The following BPIFB6 variants were observed in gnomAD, a reference collection of about 807,000 sequenced individuals.
BPIFB6 encodes the protein BPI fold-containing family B member 6.
A neutral mutation model predicts 54.7 loss-of-function variants in BPIFB6; 47 were observed. That is an observed-to-expected ratio of 0.86 (90% CI 0.68 to 1.10). The LOEUF is 1.10. Among genes scored for constraint, BPIFB6 ranks in the 50% least tolerant of loss-of-function variants. The pLI is 0.00. For missense variants in BPIFB6, 603 were observed against 564.1 expected, an observed-to-expected ratio of 1.07 and a Z score of -0.70; for synonymous variants, 255 against 225.9, an observed-to-expected ratio of 1.13 and a Z score of -1.16.
intron 3 of BPIFB6, 118 bp downstream of exon 3, chr20:33,034,408 T>C: frequency 1.3e-6 from 1 of 777,376 alleles, no homozygotes; most frequent in Non-Finnish European, 2.2e-6. Flanking sequence ...TGGGATGATG[T>C]AGACTTGGTC....
intron 2 of BPIFB6, 48 bp from the exon 3 acceptor site, chr20:33,034,138 G>A: frequency 2.1e-6 from 3 of 1,398,554 alleles, no homozygotes; most frequent in Non-Finnish European, 3.1e-6. Context: ...GAGGTCCTGG[G>A]TCTTGCCTGC....
At chr20:33,038,345 A>G (rs189981846) in intron 8 of BPIFB6, among the ~76,000 whole-genome samples, 434 of 152,012 alleles carry the variant, frequency 2.9e-3, no homozygotes, top group African/African-American at 0.01. Context: ...TCATCCATGT[A>G]CCTTTCCATC....
In BPIFB6 at chr20:33,034,764, T is replaced by C; in HGVS notation, c.304T>C (p.Phe102Leu). Reference sequence around the variant, plus strand: ...GTGCCCTCCTGCTCTGTCCTCCAGCTTCATGGGAGGGAACATGGAGATCAT... The same window carrying C: ...GTGCCCTCCTGCTCTGTCCTCCAGCCTCATGGGAGGGAACATGGAGATCAT... ...STGMTVTGKS[F>L]MGGNMEIIVA... Residue 102 changes from phenylalanine (F) to leucine (L), a missense_variant and splice_region_variant, in exon 4 of 15, where the codon TTC (phenylalanine) becomes CTC (leucine). Phe to Leu is a conservative substitution (Grantham distance 22, BLOSUM62 0). Transcript: ENST00000349552. 1 of 1,606,454 alleles carries C rather than the reference T, an allele frequency of 6.2e-7. No individual in the cohort carries two copies. Among genetic ancestry groups the C allele is most frequent in the Non-Finnish European group, 8.5e-7 (1 of 1,174,474 alleles).
At chr20:33,041,651 C>G (rs906913150) in intron 11 of BPIFB6, among the ~76,000 whole-genome samples, 3 of 152,158 alleles carry the variant, frequency 2.0e-5, no homozygotes, top group East Asian at 1.9e-4. Flanking sequence ...TCTGAGACTG[C>G]CCAGTTGGGC....
intron 12 of BPIFB6, among the ~76,000 whole-genome samples, chr20:33,042,341 C>T (rs1979627325): frequency 1.3e-5 from 2 of 152,212 alleles, no homozygotes; most frequent in Admixed American, 1.3e-4. Flanking sequence ...CAACACAGAA[C>T]CTGACCCCAG....
Position 33,043,343 on chromosome 20 carries a change from C to T in BPIFB6, c.1305C>T (p.Asn435=), listed in dbSNP as rs371593573. 6.2e-6 allele frequency: 10 copies of T among 1,614,034 alleles called. No individual in the cohort carries two copies. The African/African-American group carries it at 1.3e-4, about 22-fold the overall frequency. ...PLPDFLAMNY[N]LAELDIVENA... is the part of the protein sequence containing the mutation. ...CGGACTTTCTGGCCATGAATTACAA[C>T]CTGGCTGAGCTGGACATAGTAGAGG... The change falls in exon 14 of 15, where the codon AAC becomes AAT. Residue 435 remains asparagine, a synonymous_variant. Transcript: ENST00000349552.
In BPIFB6 at chr20:33,033,003, TGA is replaced by T; in HGVS notation, c.121_122del (p.His42TyrfsTer83). On this transcript the variant is annotated frameshift_variant, in exon 2 of 15. Transcript: ENST00000349552. LOFTEE classifies it high-confidence loss of function. ...IMNQVQSAMD[E>X]SHILEKMAAE... Reference sequence around the variant, plus strand: ...CTCCAGAGGTCCAGAGCGCCATGGATGAGAGTCATATCCTGGAGAAGATGGCA... The same window carrying T: ...CTCCAGAGGTCCAGAGCGCCATGGATGAGTCATATCCTGGAGAAGATGGCA... 6.2e-7 allele frequency: 1 copy of T among 1,613,872 alleles called. No homozygotes were observed. Among genetic ancestry groups the T allele is most frequent in the Non-Finnish European group, 8.5e-7 (1 of 1,179,864 alleles).
At chr20:33,038,844 G>A in intron 8 of BPIFB6, 65 bp from the exon 9 acceptor site, 2 of 1,448,772 alleles carry the variant, frequency 1.4e-6, no homozygotes, top group East Asian at 2.3e-5. Flanking sequence ...TAAGTCAGTG[G>A]AGATGTTTGT....
intron 6 of BPIFB6, 109 bp from the exon 7 acceptor site, chr20:33,036,336 C>A: frequency 1.2e-6 from 1 of 865,632 alleles, no homozygotes; most frequent in Non-Finnish European, 1.9e-6. Context: ...AAGGAATTTG[C>A]CTTGAGTCAC....
intron 2 of BPIFB6, 144 bp from the exon 3 acceptor site, chr20:33,034,042 G>T: frequency 5.9e-6 from 4 of 682,216 alleles, no homozygotes; most frequent in Non-Finnish European, 1.1e-5. Flanking sequence ...TTTCATAATG[G>T]CCCCATGAAT....
chr20:33,041,050 C>T (rs369441697), intron 11 of BPIFB6, among the ~76,000 whole-genome samples: 65 of 142,514 alleles, frequency 4.6e-4, no homozygotes, highest in African/African-American at 1.3e-3. Flanking sequence ...AGTGCAGTGG[C>T]GCAATCTCGG....
At chr20:33,042,909 T>C (rs976526707) in intron 13 of BPIFB6, 31 bp downstream of exon 13, 3 of 1,605,080 alleles carry the variant, frequency 1.9e-6, no homozygotes, top group Non-Finnish European at 2.6e-6. Flanking sequence ...TGGACCATGG[T>C]GCCAAGAAGC....
intron 14 of BPIFB6, 119 bp from the exon 15 acceptor site, chr20:33,043,896 C>T (rs1291815234): frequency 1.4e-5 from 18 of 1,293,652 alleles, no homozygotes; most frequent in Admixed American, 3.4e-5. Flanking sequence ...AAGTCTACTT[C>T]AACCTTTGCT....
Position 33,035,664 on chromosome 20 carries a change from A to G in BPIFB6, c.569A>G (p.Asn190Ser), listed in dbSNP as rs571194706. 1.9e-6 allele frequency: 3 copies of G among 1,613,990 alleles called. No individual in the cohort carries two copies. Among genetic ancestry groups the G allele is most frequent in the East Asian group, 2.2e-5 (1 of 44,868 alleles). ...VLVYVNRKWT[N>S]LSDPMPVGQM... ...GTGTATGTGAACAGGAAGTGGACCA[A>G]CCTCAGTGGTGAGTGTAGCCCTACC... The change falls in exon 6 of 15, where the codon AAC (asparagine) becomes AGC (serine). Residue 190 changes from asparagine to serine, a missense_variant. Asn to Ser is a conservative substitution (Grantham distance 46, BLOSUM62 1). Transcript: ENST00000349552.
chr20:33,031,690 G>T lies in BPIFB6; in HGVS notation c.43G>T (p.Gly15Cys). The change falls in exon 1 of 15, where the codon GGC (glycine) becomes TGC (cysteine). Residue 15 changes from glycine (G) to cysteine (C), a missense_variant. By Grantham distance (159) the Gly-to-Cys change is radical. Coordinates refer to ENST00000349552, the MANE Select transcript of BPIFB6 (RefSeq NM_174897.2). ...LCLALCSLLT[G>C]TRADPGALLR... ...CCTGGCACTCTGCAGCCTGCTGACT[G>T]GCACGCGAGCTGACCCTGGGGCACT... The T allele has an allele frequency of 6.2e-7, 1 of 1,613,988 alleles. No homozygotes were observed. The highest frequency in any genetic ancestry group is 2.2e-5 in the East Asian group (1 of 44,884).
At position 33,034,846 on chromosome 20, in the gene BPIFB6, TC is replaced by T. The variant is rs1979261129; in HGVS notation, c.390del (p.Val131CysfsTer14). On this transcript the variant is annotated frameshift_variant, in exon 4 of 15. Coordinates refer to ENST00000349552, the MANE Select transcript of BPIFB6 (RefSeq NM_174897.2). LOFTEE classifies it high-confidence loss of function. The part of the protein sequence containing the change: ...NRLLRDEETG[L>X]PVFKSEGCEV... ...CTTCTGCGGGATGAGGAGACAGGCC[TC>T]CCCGTGTTCAAGAGTGAGGGCTGTG... The T allele has an allele frequency of 6.2e-7, 1 of 1,613,712 alleles. No individual in the cohort carries two copies. Among genetic ancestry groups the T allele is most frequent in the Non-Finnish European group, 8.5e-7 (1 of 1,179,762 alleles).
At chr20:33,042,096 C>T (rs1465587681) in intron 12 of BPIFB6, 81 bp downstream of exon 12, 2 of 1,434,378 alleles carry the variant, frequency 1.4e-6, no homozygotes, top group South Asian at 1.2e-5. Flanking sequence ...AGGGCCGAGG[C>T]CCTGAAATGG....
At chr20:33,037,482 A>G (rs1175453849) in intron 7 of BPIFB6, 80 bp from the exon 8 acceptor site, 1 of 1,422,662 alleles carries the variant, frequency 7.0e-7, no homozygotes, top group East Asian at 2.3e-5. Context: ...CTGGAGCCCC[A>G]TTTGCTTGGA....
intron 10 of BPIFB6, among the ~76,000 whole-genome samples, chr20:33,039,850 G>A (rs111895205): frequency 1.3e-5 from 2 of 152,230 alleles, no homozygotes; most frequent in Non-Finnish European, 2.9e-5. Context: ...TCCAAGAGGA[G>A]GTGATAGCTG....
Sources: gnomAD v4.1 joint callset for allele counts (sites outside exome capture counted in the v4.1 genomes callset) on GRCh38, gnomAD v4.1.1 for gene constraint, MANE v1.5 for transcripts, NCBI Gene and HGNC (gene_info 2026-07-23, HGNC 2026-07-21) for gene names.